The following FSTL5 variants were observed in gnomAD, a reference collection of about 807,000 sequenced individuals.
FSTL5 encodes follistatin-related protein 5.
Under a neutral mutation model 89.1 loss-of-function variants are expected in FSTL5, and 62 were observed. The observed-to-expected ratio is 0.70, with a 90% CI of 0.57 to 0.86. The LOEUF (loss-of-function observed/expected upper bound fraction) is 0.86, where lower values mean the gene tolerates loss of function less well. FSTL5 is among the 40% of genes least tolerant of loss of function. FSTL5 has a pLI of 0.00. For synonymous variants in FSTL5, 383 were observed against 346.2 expected (o/e 1.11, Z -1.18); for missense variants, 1,057 against 1,001.6 (o/e 1.06, Z -0.75).
At chr4:161,668,286 T>C (rs766368257) in intron 6 of FSTL5, among the ~76,000 whole-genome samples, 1 of 152,196 alleles carries the variant, frequency 6.6e-6, no homozygotes, top group Non-Finnish European at 1.5e-5. Context: ...GGACCAATTC[T>C]TTGTAAGTCA....
At chr4:162,132,347 G>T (rs563973592) in intron 1 of FSTL5, among the ~76,000 whole-genome samples, 1 of 152,256 alleles carries the variant, frequency 6.6e-6, no homozygotes, top group Non-Finnish European at 1.5e-5. Flanking sequence ...TCTAAACTGA[G>T]ATGCAATTGT....
chr4:161,691,912 T>C (rs1232852947), intron 6 of FSTL5, among the ~76,000 whole-genome samples: 7 of 152,178 alleles, frequency 4.6e-5, no homozygotes, highest in East Asian at 1.9e-4. Flanking sequence ...AGCAGTGGTG[T>C]GTGTGAGTGT....
intron 1 of FSTL5, among the ~76,000 whole-genome samples, chr4:162,143,817 CACAT>C (rs776561342): frequency 1.7e-5 from 2 of 115,516 alleles, no homozygotes; most frequent in African/African-American, 2.7e-5. Context: ...CACACACACA[CACAT>C]ACAAACACAC....
intron 6 of FSTL5, among the ~76,000 whole-genome samples, chr4:161,732,709 T>C (rs908038560): frequency 2.0e-5 from 3 of 152,044 alleles, no homozygotes; most frequent in Admixed American, 1.3e-4. Context: ...TTGTTTATTT[T>C]GTCTATGCAT....
At chr4:162,071,274 A>G (rs567042349) in intron 2 of FSTL5, among the ~76,000 whole-genome samples, 4 of 151,700 alleles carry the variant, frequency 2.6e-5, no homozygotes, top group Non-Finnish European at 5.9e-5. Flanking sequence ...AAAGACACTC[A>G]TAGACTAAAA....
At chr4:161,527,371 G>A (rs1731259987) in intron 10 of FSTL5, among the ~76,000 whole-genome samples, 2 of 152,076 alleles carry the variant, frequency 1.3e-5, no homozygotes, top group African/African-American at 4.8e-5. Flanking sequence ...TACAAAATGG[G>A]AGAAAATTTT....
chr4:162,109,751 G>C (rs1731363890), intron 2 of FSTL5, among the ~76,000 whole-genome samples: 2 of 151,998 alleles, frequency 1.3e-5, no homozygotes, highest in African/African-American at 4.8e-5. Context: ...TTCTGCCGTT[G>C]ATTTAATTAA....
At chr4:161,756,230 T>C (rs1189277729) in intron 6 of FSTL5, among the ~76,000 whole-genome samples, 1 of 152,092 alleles carries the variant, frequency 6.6e-6, no homozygotes, top group Non-Finnish European at 1.5e-5. Context: ...TTATCATTGT[T>C]ATAGGATAGT....
chr4:161,605,427 A>G (rs1734404773), intron 7 of FSTL5, among the ~76,000 whole-genome samples: 1 of 151,988 alleles, frequency 6.6e-6, no homozygotes, highest in African/African-American at 2.4e-5. Flanking sequence ...CATGTTTGTT[A>G]AAAAAAATTG....
At chr4:161,604,351 C>A (rs1734362919) in intron 7 of FSTL5, among the ~76,000 whole-genome samples, 1 of 151,726 alleles carries the variant, frequency 6.6e-6, no homozygotes, top group Non-Finnish European at 1.5e-5. Context: ...ACCAATCAAT[C>A]AGAAGATCAA....
At chr4:161,812,299 A>G (rs1730174112) in intron 4 of FSTL5, among the ~76,000 whole-genome samples, 1 of 152,206 alleles carries the variant, frequency 6.6e-6, no homozygotes, top group Non-Finnish European at 1.5e-5. Context: ...TTCAAGAGAG[A>G]ATCACATAGT....
At chr4:162,031,429 G>T (rs1737518138) in intron 3 of FSTL5, among the ~76,000 whole-genome samples, 1 of 152,104 alleles carries the variant, frequency 6.6e-6, no homozygotes, top group African/African-American at 2.4e-5. Context: ...TTTGTCATTT[G>T]CCAATGAGTA....
chr4:162,087,615 G>T (rs62331268), intron 2 of FSTL5, among the ~76,000 whole-genome samples: 1 of 152,078 alleles, frequency 6.6e-6, no homozygotes, highest in Admixed American at 6.6e-5. Context: ...AGAGCCACTG[G>T]AATTCTGGGG....
At chr4:161,498,457 C>A (rs1054221114) in intron 12 of FSTL5, among the ~76,000 whole-genome samples, 1 of 152,090 alleles carries the variant, frequency 6.6e-6, no homozygotes, top group Non-Finnish European at 1.5e-5. Flanking sequence ...AAATAGCACA[C>A]ATGTGGTGCA....
chr4:161,642,684 C>T (rs13104433), intron 7 of FSTL5, among the ~76,000 whole-genome samples: 3,152 of 152,066 alleles, frequency 0.021, 42 homozygotes, highest in Non-Finnish European at 0.032. Flanking sequence ...GGATATTATC[C>T]TAAGTGAAAT....
At chr4:161,882,128 C>T (rs1732653602) in intron 4 of FSTL5, among the ~76,000 whole-genome samples, 2 of 152,016 alleles carry the variant, frequency 1.3e-5, no homozygotes, top group African/African-American at 2.4e-5. Flanking sequence ...TTAAATAATA[C>T]TCAATCTAAT....
At chr4:162,146,549 G>A (rs1266350887) in intron 1 of FSTL5, among the ~76,000 whole-genome samples, 1 of 151,876 alleles carries the variant, frequency 6.6e-6, no homozygotes, top group Non-Finnish European at 1.5e-5. Flanking sequence ...ATTCCCTATT[G>A]TTAACATCTC....
chr4:162,145,211 T>C (rs532893211), intron 1 of FSTL5, among the ~76,000 whole-genome samples: 6 of 152,084 alleles, frequency 3.9e-5, no homozygotes, highest in Non-Finnish European at 8.8e-5. Context: ...ATATGAGAAT[T>C]TATTTTTTAA....
chr4:161,728,175 C>CT (rs369188433), intron 6 of FSTL5, among the ~76,000 whole-genome samples: 5 of 152,118 alleles, frequency 3.3e-5, no homozygotes, highest in African/African-American at 1.2e-4. Context: ...AGAGTAGTAA[C>CT]TTAACAGTTT....
Sources: gnomAD v4.1 joint callset for allele counts (sites outside exome capture counted in the v4.1 genomes callset) on GRCh38, gnomAD v4.1.1 for gene constraint, MANE v1.5 for transcripts, NCBI Gene and HGNC (gene_info 2026-07-23, HGNC 2026-07-21) for gene names.